CLCN6: variants seen among roughly 807,000 people sequenced by gnomAD.
CLCN6 encodes H(+)/Cl(-) exchange transporter 6.
Under a neutral mutation model 109.8 loss-of-function variants are expected in CLCN6, and 70 were observed. The ratio of observed to expected loss-of-function variants is 0.64; its 90% CI spans 0.53 to 0.78. The LOEUF (loss-of-function observed/expected upper bound fraction) is 0.78. Ranked by LOEUF, CLCN6 falls within the 30% of genes least tolerant of loss-of-function variation. The probability of loss-of-function intolerance (pLI) is 0.00; values close to 1 mark genes in which losing one functional copy is unlikely to be tolerated. For missense variants in CLCN6, 984 were observed against 1,142.3 expected, an observed-to-expected ratio of 0.86 and a Z score of 2.00; for synonymous variants, 444 against 447.8, an observed-to-expected ratio of 0.99 and a Z score of 0.11.
chr1:11,838,574 T>C lies in CLCN6; in HGVS notation c.2443T>C (p.Ser815Pro). The C allele has an allele frequency of 2.5e-6, 4 of 1,612,670 alleles. No individual in the cohort carries two copies. Among genetic ancestry groups the C allele is most frequent in the Non-Finnish European group, 3.4e-6 (4 of 1,178,786 alleles). Reference protein sequence around the residue: ...PYMNPSPFTVSPNTHVSQVFN... With the variant: ...PYMNPSPFTVPPNTHVSQVFN... ...CATGAACCCTTCGCCTTTCACCGTC[T>C]CGCCCAACACCCACGTCTCCCAAGT... Residue 815 changes from serine to proline, a missense_variant, in exon 22 of 23, where the codon TCG becomes CCG. By Grantham distance (74) the Ser-to-Pro change is moderately conservative. Transcript: ENST00000346436.
rs908726031 is a variant in CLCN6, at chr1:11,823,725, G to A, written c.472G>A (p.Gly158Arg). 26 of 1,614,090 alleles carry A rather than the reference G, an allele frequency of 1.6e-5. No individual in the cohort carries two copies. Among genetic ancestry groups the A allele is most frequent in the Middle Eastern group, 1.6e-4 (1 of 6,084 alleles). The stretch of plus-strand genomic sequence containing the variant: ...CCATCAGCCGGTGGCAGCAGGTTCC[G>A]GGATACCCGAGGTCAAATGCTATCT... ...VLIEPVAAGS[G>R]IPEVKCYLNG... Residue 158 changes from glycine (G) to arginine (R), a missense_variant, in exon 7 of 23, where the codon GGG becomes AGG. Gly to Arg is a moderately radical substitution (Grantham distance 125). Coordinates refer to ENST00000346436, the MANE Select transcript of CLCN6 (RefSeq NM_001286.5).
intron 9 of CLCN6, 28 bp downstream of exon 9, chr1:11,826,242 T>C: frequency 6.3e-7 from 1 of 1,588,236 alleles, no homozygotes; most frequent in Non-Finnish European, 8.6e-7. Context: ...ATTGGTTTCT[T>C]TTTTGGAAAC....
rs182391037 is a variant in CLCN6, at chr1:11,811,334, G to A, written c.147+4144G>A. ...CATGTAGAGTGTACAATTCAATGGG[G>A]TTTTAAAAATTAGTATATTCACAGA... On this transcript the variant is annotated intron_variant, in intron 2 of 22. Coordinates refer to ENST00000346436, the MANE Select transcript of CLCN6 (RefSeq NM_001286.5). Among the ~76,000 whole-genome samples the A allele has an allele frequency of 1.3e-4, 19 of 151,790 alleles. 1 individual carries two copies. The highest frequency in any genetic ancestry group is 1.2e-3 in the Admixed American group (19 of 15,244).
In CLCN6 at chr1:11,840,193, C is replaced by G; in HGVS notation, c.2580C>G (p.Ala860=). The G allele has an allele frequency of 6.2e-7, 1 of 1,613,598 alleles. No homozygotes were observed. The highest frequency in any genetic ancestry group is 8.5e-7 in the Non-Finnish European group (1 of 1,180,018). The change falls in exon 23 of 23, where the codon GCC becomes GCG. Residue 860 remains alanine, a synonymous_variant. Coordinates refer to ENST00000346436, the MANE Select transcript of CLCN6 (RefSeq NM_001286.5). ...ACCTCACCTATGAATTTCTGCAGGC[C>G]CGGCTGAGGCAGCACTACCAGACCA... is the stretch of plus-strand genomic sequence containing the variant. ...RHNLTYEFLQ[A]RLRQHYQTI
intron 2 of CLCN6, among the ~76,000 whole-genome samples, chr1:11,812,360 A>C (rs760155812): frequency 2.0e-5 from 3 of 152,254 alleles, no homozygotes; most frequent in African/African-American, 7.2e-5. Context: ...CAGGCACGCT[A>C]CCCTCCAGGA....
At chr1:11,828,079 TC>T in intron 10 of CLCN6, 26 bp from the exon 11 acceptor site, 1 of 1,555,552 alleles carries the variant, frequency 6.4e-7, no homozygotes, top group Non-Finnish European at 8.9e-7. Context: ...TCCTGAACCT[TC>T]TTGTCTTTTG....
At chr1:11,806,506 C>T in intron 1 of CLCN6, 157 bp downstream of exon 1, 1 of 552,502 alleles carries the variant, frequency 1.8e-6, no homozygotes, top group Non-Finnish European at 3.0e-6. Context: ...TACCCTGCTT[C>T]ACGTGCCTAA....
At chr1:11,808,270 T>C (rs1644550558) in intron 2 of CLCN6, among the ~76,000 whole-genome samples, 2 of 140,996 alleles carry the variant, frequency 1.4e-5, no homozygotes, top group Admixed American at 7.4e-5. Flanking sequence ...TGTGTGTGTG[T>C]TTTAAAGTAA....
At chr1:11,807,062 G>GTAAA in intron 1 of CLCN6, 69 bp from the exon 2 acceptor site, 2 of 1,363,562 alleles carry the variant, frequency 1.5e-6, no homozygotes, top group Non-Finnish European at 1.0e-6. Flanking sequence ...ACTGATTTCA[G>GTAAA]TAAATACTTC....
rs2100659140 is a variant in CLCN6 at position 11,837,390 on chromosome 1, A to T, written c.2186A>T (p.Asp729Val). Residue 729 changes from aspartate (D) to valine (V), a missense_variant, in exon 20 of 23, where the codon GAC (aspartate) becomes GTC (valine). By Grantham distance (152) the Asp-to-Val change is radical. Coordinates refer to ENST00000346436, the MANE Select transcript of CLCN6 (RefSeq NM_001286.5). ...TACCCTGACCAGTCCCCAAGTGAAG[A>T]CTGGACCATGGAGGAGCGGTTCCGC... ...NLYPDQSPSE[D>V]WTMEERFRPL... is the part of the protein sequence containing the mutation. 1 of 1,614,098 alleles carries T rather than the reference A, an allele frequency of 6.2e-7. No individual in the cohort carries two copies. The highest frequency in any genetic ancestry group is 1.7e-5 in the Admixed American group (1 of 60,020).
In CLCN6 at chr1:11,833,521, G is replaced by C; in HGVS notation, c.1255G>C (p.Glu419Gln). The C allele has an allele frequency of 6.2e-7, 1 of 1,613,886 alleles. No homozygotes were observed. The highest frequency in any genetic ancestry group is 8.5e-7 in the Non-Finnish European group (1 of 1,179,934). The part of the protein sequence containing the change: ...GNDSFQLQVT[E>Q]DVNSSIKTFF... ...TCTGATTCCTTCTTCTCAGGTCACA[G>C]AAGATGTGAATTCAAGTATCAAGAC... Residue 419 changes from glutamate to glutamine, a missense_variant, in exon 14 of 23, where the codon GAA (glutamate) becomes CAA (glutamine). Transcript: ENST00000346436.
Position 11,826,217 on chromosome 1 carries a change from A to G in CLCN6, c.707+3A>G, listed in dbSNP as rs1370187825. The G allele has an allele frequency of 1.2e-6, 2 of 1,611,682 alleles. No homozygotes were observed. Among genetic ancestry groups the G allele is most frequent in the South Asian group, 1.1e-5 (1 of 91,040 alleles). ...TTCCCCTATTTCCGAAGCGACAGGT[A>G]TGGAAAGGTTAGAAATTGGTTTCTT... is the stretch of plus-strand genomic sequence containing the variant. On this transcript the variant is annotated splice_donor_region_variant and intron_variant, in intron 9 of 22. Coordinates refer to ENST00000346436, the MANE Select transcript of CLCN6 (RefSeq NM_001286.5).
chr1:11,836,750 G>T (rs1347108470), intron 18 of CLCN6, among the ~76,000 whole-genome samples: 1 of 152,164 alleles, frequency 6.6e-6, no homozygotes, highest in African/African-American at 2.4e-5. Context: ...GTAGGAGATG[G>T]CTTGTTCCCC....
intron 2 of CLCN6, among the ~76,000 whole-genome samples, chr1:11,810,812 G>A (rs1260611149): frequency 4.0e-5 from 6 of 151,800 alleles, no homozygotes; most frequent in Admixed American, 2.6e-4. Flanking sequence ...ACGCCTATAT[G>A]CTCAGCACTT....
At chr1:11,820,216 G>T (rs780508109) in intron 5 of CLCN6, 1 of 535,676 alleles carries the variant, frequency 1.9e-6, no homozygotes, top group Non-Finnish European at 3.4e-6. Flanking sequence ...AGCTACTTAG[G>T]AGGTGAGCCC....
chr1:11,820,431 G>GA, intron 5 of CLCN6: 1 of 711,868 alleles, frequency 1.4e-6, no homozygotes. Context: ...CAAGAGTGGG[G>GA]AATAATTTCT....
At position 11,834,332 on chromosome 1, in the gene CLCN6, G is replaced by C. The variant is rs778704963; in HGVS notation, c.1623G>C (p.Thr541=). The part of the protein sequence containing the change: ...GGVVRMTISL[T]VILIESTNEI... ...TGGTCCGCATGACCATCAGCCTCAC[G>C]GTCATCCTGATCGAGTCCACCAATG... The change falls in exon 16 of 23, where the codon ACG becomes ACC. Residue 541 remains threonine (T), a synonymous_variant. Transcript: ENST00000346436. This position sits in a 1 kb window ranked among gnomAD's most constrained non-coding sequence, Gnocchi z 4.5. The C allele has an allele frequency of 1.3e-5, 21 of 1,613,940 alleles. No homozygotes were observed. The African/African-American group carries it at 2.7e-4, about 21-fold the overall frequency.
At chr1:11,807,256 C>A in intron 2 of CLCN6, 66 bp downstream of exon 2, 1 of 1,382,428 alleles carries the variant, frequency 7.2e-7, no homozygotes, top group Non-Finnish European at 1.0e-6. Context: ...CAGGCCGAAG[C>A]ATTATGATTC....
rs557980423 is a variant in CLCN6 at position 11,811,237 on chromosome 1, C to T, written c.147+4047C>T. Among the ~76,000 whole-genome samples, 7 of 152,146 alleles carry T rather than the reference C, an allele frequency of 4.6e-5. No individual in the cohort carries two copies. The South Asian group carries it at 1.0e-3, about 23-fold the overall frequency. On this transcript the variant is annotated intron_variant, in intron 2 of 22. Coordinates refer to ENST00000346436, the MANE Select transcript of CLCN6 (RefSeq NM_001286.5). ...AAAAAAAGGGATTCTGGTGTTCTAG[C>T]GTTGCGGTTGTTTCTAAATGCCCTT...
Sources: allele counts gnomAD v4.1 joint callset (sites outside exome capture counted in the v4.1 genomes callset), GRCh38; gene constraint gnomAD v4.1.1; non-coding constraint Gnocchi (gnomAD v3.1); transcripts MANE v1.5; gene names NCBI Gene and HGNC (gene_info 2026-07-23, HGNC 2026-07-21).